The following CDH12 variants were observed in gnomAD, a reference collection of about 807,000 sequenced individuals.
CDH12 encodes cadherin 12, also known as cadherin-12.
In CDH12, 41 loss-of-function variants were observed where a neutral mutation model predicts 74.1. The ratio of observed to expected loss-of-function variants is 0.55; its 90% CI spans 0.43 to 0.72. CDH12 has a LOEUF of 0.72. CDH12 is among the 30% of genes least tolerant of loss of function. The pLI is 0.00. For synonymous variants in CDH12, 399 were observed against 355.0 expected, an observed-to-expected ratio of 1.12 and a Z score of -1.39; for missense variants, 945 against 977.2, an observed-to-expected ratio of 0.97 and a Z score of 0.44.
At chr5:22,497,925 G>A (rs890955404) in intron 2 of CDH12, among the ~76,000 whole-genome samples, 3 of 152,024 alleles carry the variant, frequency 2.0e-5, no homozygotes, top group Non-Finnish European at 4.4e-5. Flanking sequence ...TTACAGGGAT[G>A]AGCCAGCGTG....
At chr5:22,225,006 TA>T (rs767912110) in intron 3 of CDH12, among the ~76,000 whole-genome samples, 54 of 152,040 alleles carry the variant, frequency 3.6e-4, no homozygotes, top group Non-Finnish European at 5.9e-4. Context: ...TGACTCACAG[TA>T]AAATTGATTT....
At chr5:22,791,483 G>A (rs76626372) in intron 1 of CDH12, among the ~76,000 whole-genome samples, 1,970 of 152,214 alleles carry the variant, frequency 0.013, 41 homozygotes, top group African/African-American at 0.045. Context: ...AGAAATATGC[G>A]ATTCCCTTTA....
chr5:22,122,954 C>A (rs929910111), intron 4 of CDH12, among the ~76,000 whole-genome samples: 14 of 152,186 alleles, frequency 9.2e-5, no homozygotes, highest in Admixed American at 2.6e-4. Context: ...TATAGCTAAA[C>A]CATTGGCTCT....
chr5:22,036,803 T>C (rs1335742713), intron 5 of CDH12, among the ~76,000 whole-genome samples: 1 of 152,218 alleles, frequency 6.6e-6, no homozygotes, highest in Non-Finnish European at 1.5e-5. Context: ...ACATATTCAC[T>C]AAACTAGCAT....
In CDH12 at chr5:21,873,634, T is replaced by G. The variant is rs192140081; in HGVS notation, c.527-18844A>C. Among the ~76,000 whole-genome samples the G allele has an allele frequency of 6.0e-4, 92 of 152,328 alleles. 1 individual carries two copies. Among genetic ancestry groups the G allele is most frequent in the Admixed American group, 3.1e-3 (47 of 15,300 alleles). ...TGTGCTATTTTTTAAAAATTTTATT[T>G]TATTTTACTCTAAGTTCTGGAGGAC... On this transcript the variant is annotated intron_variant, in intron 6 of 14. Transcript: ENST00000382254.
At chr5:22,743,601 T>C (rs1745144381) in intron 1 of CDH12, among the ~76,000 whole-genome samples, 1 of 152,154 alleles carries the variant, frequency 6.6e-6, no homozygotes, top group Non-Finnish European at 1.5e-5. Context: ...AAGGTCATTA[T>C]ACATGAAATG....
chr5:22,755,749 A>G (rs1029227376), intron 1 of CDH12, among the ~76,000 whole-genome samples: 3 of 152,122 alleles, frequency 2.0e-5, no homozygotes, highest in Non-Finnish European at 4.4e-5. Flanking sequence ...GCAATATTAC[A>G]TTTCTAAAGT....
chr5:21,779,810 G>A (rs955602103), intron 11 of CDH12, among the ~76,000 whole-genome samples: 6 of 152,148 alleles, frequency 3.9e-5, no homozygotes, highest in Non-Finnish European at 8.8e-5. Flanking sequence ...GTGTGATCAA[G>A]GAAGACAGTC....
At chr5:22,387,797 G>C (rs1380413379) in intron 3 of CDH12, among the ~76,000 whole-genome samples, 2 of 152,070 alleles carry the variant, frequency 1.3e-5, no homozygotes, top group Non-Finnish European at 2.9e-5. Flanking sequence ...TCACATGCTT[G>C]AACCACTAAA....
At chr5:21,791,218 A>C (rs1229549949) in intron 10 of CDH12, among the ~76,000 whole-genome samples, 1 of 152,104 alleles carries the variant, frequency 6.6e-6, no homozygotes, top group Non-Finnish European at 1.5e-5. Flanking sequence ...TGCCTGACTA[A>C]AGCACAAATA....
chr5:22,386,074 T>C (rs1277419025), intron 3 of CDH12, among the ~76,000 whole-genome samples: 1 of 151,962 alleles, frequency 6.6e-6, no homozygotes, highest in Non-Finnish European at 1.5e-5. Flanking sequence ...GTATTTTTAG[T>C]AGAGATGAGG....
At chr5:22,751,416 T>G (rs183032021) in intron 1 of CDH12, among the ~76,000 whole-genome samples, 170 of 150,782 alleles carry the variant, frequency 1.1e-3, no homozygotes, top group African/African-American at 4.0e-3. Context: ...GTCCAGATCT[T>G]TTGGTCATGT....
intron 11 of CDH12, among the ~76,000 whole-genome samples, chr5:21,782,010 G>A (rs903228443): frequency 6.6e-6 from 1 of 152,130 alleles, no homozygotes; most frequent in Non-Finnish European, 1.5e-5. Flanking sequence ...AAGAATTTGG[G>A]CAGGATTTGA....
intron 2 of CDH12, among the ~76,000 whole-genome samples, chr5:22,494,592 A>T (rs1387683739): frequency 6.6e-6 from 1 of 152,224 alleles, no homozygotes; most frequent in Non-Finnish European, 1.5e-5. Flanking sequence ...CTGCTCCAGG[A>T]ACTTACATCT....
At chr5:22,800,075 T>C (rs559143296) in intron 1 of CDH12, among the ~76,000 whole-genome samples, 2 of 152,294 alleles carry the variant, frequency 1.3e-5, no homozygotes, top group East Asian at 3.9e-4. Context: ...TAGTAGCCAC[T>C]GAGGAGGTAG....
chr5:22,432,782 T>C (rs1004554761), intron 2 of CDH12, among the ~76,000 whole-genome samples: 2 of 152,192 alleles, frequency 1.3e-5, no homozygotes, highest in South Asian at 2.1e-4. Context: ...TATAATTTAG[T>C]ATCATTTTGA....
intron 4 of CDH12, among the ~76,000 whole-genome samples, chr5:22,108,604 A>G (rs1580263063): frequency 6.6e-6 from 1 of 152,370 alleles, no homozygotes; most frequent in South Asian, 2.1e-4. Context: ...CCTGAGGTAT[A>G]TGATCAACTC....
At chr5:21,773,396 G>C (rs1346915041) in intron 11 of CDH12, among the ~76,000 whole-genome samples, 3 of 152,174 alleles carry the variant, frequency 2.0e-5, no homozygotes, top group African/African-American at 7.2e-5. Context: ...TAGGATAAAA[G>C]AAGGCAGAAG....
At chr5:22,002,288 T>G (rs1192465847) in intron 5 of CDH12, among the ~76,000 whole-genome samples, 1 of 152,156 alleles carries the variant, frequency 6.6e-6, no homozygotes, top group African/African-American at 2.4e-5. Flanking sequence ...AATTATTTTG[T>G]AAAACATTTT....
Sources: gnomAD v4.1 joint callset for allele counts (sites outside exome capture counted in the v4.1 genomes callset) on GRCh38, gnomAD v4.1.1 for gene constraint, MANE v1.5 for transcripts, NCBI Gene and HGNC (gene_info 2026-07-23, HGNC 2026-07-21) for gene names.